NFU1: variants seen among roughly 807,000 people sequenced by gnomAD.
NFU1 encodes the protein NFU1 iron-sulfur cluster scaffold, also known as NFU1 iron-sulfur cluster scaffold homolog, mitochondrial.
In NFU1, 30 loss-of-function variants were observed where a neutral mutation model predicts 32.2. The observed-to-expected ratio is 0.93, with a 90% CI of 0.70 to 1.26. NFU1 has a LOEUF of 1.26. NFU1 is among the 50% of genes most tolerant of loss of function. NFU1 has a pLI of 0.00. For missense variants in NFU1, 306 were observed against 306.6 expected, an observed-to-expected ratio of 1.00 and a Z score of 0.02; for synonymous variants, 112 against 104.6, an observed-to-expected ratio of 1.07 and a Z score of -0.43.
At chr2:69,422,658 T>C (rs1036911425) in intron 3 of NFU1, among the ~76,000 whole-genome samples, 5 of 152,212 alleles carry the variant, frequency 3.3e-5, no homozygotes, top group Non-Finnish European at 7.3e-5. Flanking sequence ...ATTCATGCTA[T>C]AGATCTCTCA....
chr2:69,404,286 G>A (rs977429738), intron 6 of NFU1, among the ~76,000 whole-genome samples: 4 of 151,416 alleles, frequency 2.6e-5, no homozygotes, highest in African/African-American at 9.7e-5. Flanking sequence ...GAGGTCAGGA[G>A]GTCGTGACCA....
chr2:69,434,668 A>G (rs13398500), intron 1 of NFU1, among the ~76,000 whole-genome samples: 103,177 of 152,142 alleles, frequency 0.68, 36,508 homozygotes, highest in African/African-American at 0.9. Flanking sequence ...TAGGAGCCAT[A>G]GAAAAATTTT....
chr2:69,399,615 C>G (rs75187810), intron 7 of NFU1, among the ~76,000 whole-genome samples: 2 of 52,334 alleles, frequency 3.8e-5, no homozygotes. Flanking sequence ...CCCGTCTCTA[C>G]AAAAAAAAAA....
At chr2:69,405,064 T>A (rs1672653261) in intron 6 of NFU1, among the ~76,000 whole-genome samples, 1 of 151,856 alleles carries the variant, frequency 6.6e-6, no homozygotes, top group African/African-American at 2.4e-5. Context: ...CTGGCCAACA[T>A]GGTGAAACCC....
At chr2:69,439,477 C>T (rs58764134), upstream of NFU1, among the ~76,000 whole-genome samples, 3,956 of 152,252 alleles carry the variant, frequency 0.026, 168 homozygotes, top group East Asian at 0.18. Context: ...AAAGACAGCA[C>T]GGGCCCAAAG....
chr2:69,421,562 CTTT>C (rs763705011), intron 3 of NFU1, among the ~76,000 whole-genome samples: 4 of 70,740 alleles, frequency 5.7e-5, no homozygotes, highest in East Asian at 4.9e-4. Flanking sequence ...ATCATTTGTG[CTTT>C]TTTTTTTTTT....
chr2:69,437,436 G>C, upstream of NFU1: 1 of 1,609,954 alleles, frequency 6.2e-7, no homozygotes, highest in Non-Finnish European at 8.5e-7. Flanking sequence ...AGTCCGGAGT[G>C]CCTAAGGGTC....
chr2:69,407,174 A>C (rs1179768494), intron 5 of NFU1, among the ~76,000 whole-genome samples: 1 of 152,104 alleles, frequency 6.6e-6, no homozygotes, highest in African/African-American at 2.4e-5. Flanking sequence ...GATGATCTTC[A>C]ACTCCTGGGC....
intron 6 of NFU1, among the ~76,000 whole-genome samples, chr2:69,404,738 G>A (rs990989356): frequency 6.8e-6 from 1 of 147,344 alleles, no homozygotes; most frequent in Non-Finnish European, 1.5e-5. Context: ...TCCTACCTCG[G>A]TCTCCCTAGT....
chr2:69,426,900 CT>C (rs1673474052), intron 2 of NFU1, among the ~76,000 whole-genome samples: 1 of 150,456 alleles, frequency 6.6e-6, no homozygotes, highest in Admixed American at 6.6e-5. Flanking sequence ...AACCCCGTCT[CT>C]ACTAAAAAAA....
chr2:69,418,017 T>C (rs914690076), intron 4 of NFU1, among the ~76,000 whole-genome samples: 2 of 152,204 alleles, frequency 1.3e-5, no homozygotes, highest in African/African-American at 4.8e-5. Flanking sequence ...AGATAACATA[T>C]GTAAAGCACT....
At chr2:69,396,062 CAGA>C, downstream of NFU1, 2 of 545,512 alleles carry the variant, frequency 3.7e-6, no homozygotes, top group Non-Finnish European at 6.4e-6. Context: ...TCCACGTGTA[CAGA>C]AGATGATTCA....
At chr2:69,427,059 CAA>C (rs756433492) in intron 2 of NFU1, among the ~76,000 whole-genome samples, 1 of 75,180 alleles carries the variant, frequency 1.3e-5, no homozygotes, top group Non-Finnish European at 2.4e-5. Context: ...GACTAGGTCT[CAA>C]AAAAAAAAAA....
intron 6 of NFU1, among the ~76,000 whole-genome samples, chr2:69,404,421 G>A (rs1672626389): frequency 6.7e-6 from 1 of 150,176 alleles, no homozygotes; most frequent in Non-Finnish European, 1.5e-5. Context: ...GAACCTGGGA[G>A]GCAGAGGTTG....
At chr2:69,428,294 G>A (rs1029111752) in intron 2 of NFU1, among the ~76,000 whole-genome samples, 1 of 151,980 alleles carries the variant, frequency 6.6e-6, no homozygotes, top group Non-Finnish European at 1.5e-5. Context: ...GTGTGGTGAT[G>A]TGCGCCTGTA....
At position 69,419,603 on chromosome 2, in the gene NFU1, G is replaced by T. The variant is rs1352952365; in HGVS notation, c.304C>A (p.Gln102Lys). 1.3e-6 allele frequency: 2 copies of T among 1,569,688 alleles called. No homozygotes were observed. Among genetic ancestry groups the T allele is most frequent in the Admixed American group, 1.7e-5 (1 of 59,120 alleles). The change falls in exon 4 of 8, where the codon CAG becomes AAG. Residue 102 changes from glutamine to lysine, a missense_variant and splice_region_variant. Physicochemically the swap from Gln to Lys is moderately conservative, Grantham distance 53 (BLOSUM62 1). Transcript: ENST00000410022. Reference sequence around the variant, plus strand: ...TTTACTCCTTCAATCCTAAATAACTGCCTGCAAAAAAAGAAAAAATAAGAG... The same window carrying T: ...TTTACTCCTTCAATCCTAAATAACTTCCTGCAAAAAAAGAAAAAATAAGAG... ...AAAFRSPLAR[Q>K]LFRIEGVKSV...
chr2:69,404,200 G>C lies in NFU1; in HGVS notation c.545+1822C>G, dbSNP rs535629359. 2.0e-5 allele frequency among the ~76,000 whole-genome samples: 3 copies of C among 149,802 alleles called. No individual in the cohort carries two copies. In the East Asian group the frequency reaches 6.2e-4, roughly 31 times the overall value. On this transcript the variant is annotated intron_variant, in intron 6 of 7. Coordinates refer to ENST00000410022, the MANE Select transcript of NFU1 (RefSeq NM_001002755.4). Reference sequence around the variant, plus strand: ...ATTTCCATGTACAACATGATGTTTTGAAATATGTAGGCCGGGAGCGGTGAC... The same window carrying C: ...ATTTCCATGTACAACATGATGTTTTCAAATATGTAGGCCGGGAGCGGTGAC...
At chr2:69,421,292 GA>G (rs1282934947) in intron 3 of NFU1, among the ~76,000 whole-genome samples, 2 of 150,524 alleles carry the variant, frequency 1.3e-5, no homozygotes, top group African/African-American at 4.9e-5. Context: ...ATATGTTTAA[GA>G]AAAAAAAAGT....
chr2:69,414,762 T>TG (rs1221887657), intron 5 of NFU1, among the ~76,000 whole-genome samples: 1 of 151,378 alleles, frequency 6.6e-6, no homozygotes, highest in East Asian at 1.9e-4. Flanking sequence ...GGAAAAGGGA[T>TG]GGGGGTACAG....
Sources: gnomAD v4.1 joint callset for allele counts (sites outside exome capture counted in the v4.1 genomes callset) on GRCh38, gnomAD v4.1.1 for gene constraint, MANE v1.5 for transcripts, NCBI Gene and HGNC (gene_info 2026-07-23, HGNC 2026-07-21) for gene names.